The following WDR7 variants were observed in gnomAD, a reference collection of about 807,000 sequenced individuals.
WDR7 encodes WD repeat-containing protein 7.
In WDR7, 46 loss-of-function variants were observed where a neutral mutation model predicts 169.4. The ratio of observed to expected loss-of-function variants is 0.27; its 90% CI spans 0.21 to 0.35. WDR7 has a LOEUF of 0.35. Among genes scored for constraint, WDR7 ranks in the 10% least tolerant of loss-of-function variants. WDR7 has a pLI of 1.00. For missense variants in WDR7, 1,534 were observed against 1,859.3 expected (o/e 0.83, Z 3.22); for synonymous variants, 612 against 666.8 (o/e 0.92, Z 1.27).
At chr18:56,866,620 A>C (rs560301155) in intron 20 of WDR7, among the ~76,000 whole-genome samples, 5 of 152,250 alleles carry the variant, frequency 3.3e-5, no homozygotes, top group Admixed American at 6.5e-5. Context: ...TAATAGGAGA[A>C]ATTATGTTTC....
chr18:56,907,972 A>G (rs769908576), intron 21 of WDR7, among the ~76,000 whole-genome samples: 1 of 152,186 alleles, frequency 6.6e-6, no homozygotes, highest in Non-Finnish European at 1.5e-5. Flanking sequence ...TTTTGGCACT[A>G]TCGATAACCA....
At chr18:56,695,385 A>G (rs2025677410) in intron 11 of WDR7, among the ~76,000 whole-genome samples, 187 bp downstream of exon 11, 1 of 152,218 alleles carries the variant, frequency 6.6e-6, no homozygotes, top group African/African-American at 2.4e-5. Context: ...AATTAATACA[A>G]TGTAATGACT....
At chr18:56,901,106 A>G (rs568327282) in intron 21 of WDR7, among the ~76,000 whole-genome samples, 3 of 152,260 alleles carry the variant, frequency 2.0e-5, no homozygotes, top group African/African-American at 7.2e-5. Flanking sequence ...GTTCTTTATA[A>G]TGCTAATCAT....
At chr18:56,753,255 T>C (rs1599016689) in intron 14 of WDR7, 1 of 151,794 alleles carries the variant, frequency 6.6e-6, no homozygotes, top group Admixed American at 6.6e-5. Context: ...GCAGTGGGAG[T>C]GGAGAGGGAA....
At chr18:56,836,741 G>A (rs2045402761) in intron 20 of WDR7, among the ~76,000 whole-genome samples, 1 of 152,058 alleles carries the variant, frequency 6.6e-6, no homozygotes, top group South Asian at 2.1e-4. Context: ...TTCATTATTT[G>A]AAAGAAGCCT....
rs536976172 is a variant in WDR7, at chr18:56,788,682, G to C, written c.3190+7026G>C. Among the ~76,000 whole-genome samples the C allele has an allele frequency of 7.2e-5, 11 of 152,152 alleles. No individual in the cohort carries two copies. The South Asian group carries it at 2.3e-3, about 32-fold the overall frequency. On this transcript the variant is annotated intron_variant, in intron 19 of 27. Transcript: ENST00000254442. ...AGTATTCTAATTGGTGAAAGAACGG[G>C]AAAGTTACTCATGAAGAACTCAATA...
intron 27 of WDR7, among the ~76,000 whole-genome samples, chr18:57,022,653 C>A (rs2048308199): frequency 6.6e-6 from 1 of 152,192 alleles, no homozygotes; most frequent in Admixed American, 6.5e-5. Flanking sequence ...CCCCTAAGAT[C>A]TTCAAGGTTT....
intron 20 of WDR7, among the ~76,000 whole-genome samples, chr18:56,855,303 G>C (rs1238277848): frequency 6.6e-6 from 1 of 151,560 alleles, no homozygotes; most frequent in African/African-American, 2.4e-5. Flanking sequence ...AATACTAATA[G>C]TTTGTCAGTT....
At chr18:57,003,776 G>A (rs2048015852) in intron 26 of WDR7, among the ~76,000 whole-genome samples, 1 of 151,896 alleles carries the variant, frequency 6.6e-6, no homozygotes, top group African/African-American at 2.4e-5. Context: ...GGCCCTTTAT[G>A]GTCTGTCTTC....
intron 8 of WDR7, 134 bp from the exon 9 acceptor site, chr18:56,691,581 T>C: frequency 1.1e-6 from 1 of 899,772 alleles, no homozygotes; most frequent in Non-Finnish European, 1.6e-6. Context: ...CATTATTTAA[T>C]TTAATGCCTG....
In WDR7 at chr18:56,866,481, G is replaced by T. The variant is rs867005120; in HGVS notation, c.3305-13463G>T. 2.6e-5 allele frequency among the ~76,000 whole-genome samples: 4 copies of T among 151,972 alleles called. No homozygotes were observed. The Middle Eastern group carries it at 0.01, about 388-fold the overall frequency. ...TTTTTTTGTTGATGTTTTTAAAATG[G>T]AGGAACTTTTTATCTTTAACATATT... On this transcript the variant is annotated intron_variant, in intron 20 of 27. Coordinates refer to ENST00000254442, the MANE Select transcript of WDR7 (RefSeq NM_015285.3).
chr18:56,710,512 G>T (rs1317565706), intron 12 of WDR7, among the ~76,000 whole-genome samples: 6 of 152,004 alleles, frequency 3.9e-5, no homozygotes, highest in Non-Finnish European at 8.8e-5. Flanking sequence ...ATTCTACCTT[G>T]GGTATTTAAT....
At chr18:56,837,045 TTGAA>T (rs1289943767) in intron 20 of WDR7, among the ~76,000 whole-genome samples, 1 of 152,212 alleles carries the variant, frequency 6.6e-6, no homozygotes, top group Non-Finnish European at 1.5e-5. Context: ...TGACATCTGT[TTGAA>T]TGACAGATGT....
chr18:57,017,163 G>A (rs926207935), intron 26 of WDR7, among the ~76,000 whole-genome samples: 4 of 152,214 alleles, frequency 2.6e-5, no homozygotes, highest in Non-Finnish European at 5.9e-5. Flanking sequence ...TAGAAGTTCA[G>A]AGAATCTGAA....
chr18:56,728,419 A>G (rs913439470), intron 13 of WDR7, among the ~76,000 whole-genome samples: 2 of 152,112 alleles, frequency 1.3e-5, no homozygotes, highest in South Asian at 4.1e-4. Flanking sequence ...TTCACACTGG[A>G]TATTTTTTTT....
chr18:56,676,349 T>G (rs509742), intron 2 of WDR7, among the ~76,000 whole-genome samples: 139,706 of 152,194 alleles, frequency 0.92, 65,287 homozygotes, highest in East Asian at 1. Context: ...GATCGGAGAG[T>G]TTAGTCCATT....
chr18:56,934,622 A>G (rs888763817), intron 22 of WDR7, among the ~76,000 whole-genome samples: 1 of 152,152 alleles, frequency 6.6e-6, no homozygotes, highest in African/African-American at 2.4e-5. Context: ...TGTAACAGTC[A>G]CAAAGACTTA....
Position 56,731,366 on chromosome 18 carries a change from A to AT in WDR7, c.1775-16dup, listed in dbSNP as rs749672178. 4.6e-5 allele frequency: 74 copies of AT among 1,608,810 alleles called. No individual in the cohort carries two copies. The highest frequency in any genetic ancestry group is 2.0e-5 in the Non-Finnish European group (23 of 1,175,874). On this transcript the variant is annotated splice_polypyrimidine_tract_variant and intron_variant, in intron 13 of 27. Transcript: ENST00000254442. Reference sequence around the variant, plus strand: ...TTGTAGTGTTATGAAATATTTGTGAATATATTTTTCTCGCAGGTGCATTGG... The same window carrying AT: ...TTGTAGTGTTATGAAATATTTGTGAATTATATTTTTCTCGCAGGTGCATTGG...
At chr18:56,963,142 G>A (rs1166444118) in intron 26 of WDR7, among the ~76,000 whole-genome samples, 1 of 152,080 alleles carries the variant, frequency 6.6e-6, no homozygotes. Context: ...TGGGAAGAGA[G>A]GGCAAATCTA....
Sources: gnomAD v4.1 joint callset for allele counts (sites outside exome capture counted in the v4.1 genomes callset) on GRCh38, gnomAD v4.1.1 for gene constraint, MANE v1.5 for transcripts, NCBI Gene and HGNC (gene_info 2026-07-23, HGNC 2026-07-21) for gene names.